EPS15L1: variants seen among roughly 807,000 people sequenced by gnomAD.
EPS15L1 encodes the protein epidermal growth factor receptor substrate 15-like 1.
In EPS15L1, 43 loss-of-function variants were observed where a neutral mutation model predicts 117.1. The observed-to-expected ratio is 0.37, with a 90% CI of 0.29 to 0.47. The LOEUF is 0.47. Among genes scored for constraint, EPS15L1 ranks in the 20% least tolerant of loss-of-function variants. The probability of loss-of-function intolerance (pLI) is 0.99; values close to 1 mark genes in which losing one functional copy is unlikely to be tolerated. For missense variants in EPS15L1, 981 were observed against 1,164.0 expected (o/e 0.84, Z 2.29); for synonymous variants, 459 against 470.5 (o/e 0.98, Z 0.32).
rs1402944474 is a variant in EPS15L1, at chr19:16,402,287, G to A, written c.1791+34C>T. The stretch of plus-strand genomic sequence containing the variant: ...TCTGCTGTCACACCAGGGGACCAGA[G>A]CCCCATACTGTAATACGTTTATTCA... On this transcript the variant is annotated intron_variant, in intron 16 of 23. Coordinates refer to ENST00000455140, the MANE Select transcript of EPS15L1 (RefSeq NM_001258374.3). The A allele has an allele frequency of 1.9e-6, 3 of 1,569,538 alleles. No individual in the cohort carries two copies. The East Asian group carries it at 6.8e-5, about 35-fold the overall frequency.
chr19:16,435,033 T>A (rs979846786), intron 6 of EPS15L1: 6 of 151,178 alleles, frequency 4.0e-5, no homozygotes, highest in Admixed American at 2.6e-4. Flanking sequence ...AACTTCCGAC[T>A]CCCAGGTTCA....
chr19:16,359,998 T>C (rs2092030743), intron 23 of EPS15L1, among the ~76,000 whole-genome samples: 2 of 151,540 alleles, frequency 1.3e-5, no homozygotes. Context: ...ATTTTAAAAC[T>C]GAAGTTAACA....
At chr19:16,458,112 C>A (rs993449666) in intron 1 of EPS15L1, among the ~76,000 whole-genome samples, 1 of 152,158 alleles carries the variant, frequency 6.6e-6, no homozygotes, top group Non-Finnish European at 1.5e-5. Flanking sequence ...GGCCTCCTGT[C>A]GGGGTGTTCC....
chr19:16,361,429 C>T (rs978461908), intron 23 of EPS15L1: 5 of 306,062 alleles, frequency 1.6e-5, no homozygotes, highest in African/African-American at 2.3e-5. Context: ...TTTCATACTT[C>T]GGAAGTGTTT....
chr19:16,390,180 A>C (rs2092462220), intron 19 of EPS15L1, among the ~76,000 whole-genome samples: 1 of 152,194 alleles, frequency 6.6e-6, no homozygotes, highest in Non-Finnish European at 1.5e-5. Context: ...TAAATGGTTG[A>C]AAAATGATGT....
intron 21 of EPS15L1, among the ~76,000 whole-genome samples, chr19:16,380,323 C>G (rs536912429): frequency 2.0e-5 from 3 of 152,316 alleles, no homozygotes; most frequent in East Asian, 3.9e-4. Flanking sequence ...GGCGTCTAAT[C>G]ACACAGACGT....
At chr19:16,357,943 T>C (rs951745968) in intron 23 of EPS15L1, 6 of 152,282 alleles carry the variant, frequency 3.9e-5, no homozygotes, top group African/African-American at 1.4e-4. Context: ...AGGTGGAAAT[T>C]ATTCCATGGT....
intron 22 of EPS15L1, among the ~76,000 whole-genome samples, chr19:16,375,964 G>T (rs1286002353): frequency 1.3e-5 from 2 of 152,222 alleles, no homozygotes; most frequent in Non-Finnish European, 2.9e-5. Flanking sequence ...GTGAGCTGGG[G>T]GCATGCGGAG....
At chr19:16,452,150 AC>A (rs1457441485) in intron 1 of EPS15L1, among the ~76,000 whole-genome samples, 2 of 150,416 alleles carry the variant, frequency 1.3e-5, no homozygotes, top group Non-Finnish European at 3.0e-5. Flanking sequence ...AAAAAAAAAA[AC>A]CACACAACAG....
chr19:16,387,856 A>C (rs912620660), intron 19 of EPS15L1, among the ~76,000 whole-genome samples: 1 of 152,230 alleles, frequency 6.6e-6, no homozygotes, highest in African/African-American at 2.4e-5. Flanking sequence ...AGAGCAGTAG[A>C]AATTACTCAA....
chr19:16,396,971 T>C (rs1232869830), intron 16 of EPS15L1, among the ~76,000 whole-genome samples: 7 of 152,206 alleles, frequency 4.6e-5, no homozygotes, highest in Admixed American at 4.6e-4. Flanking sequence ...GAGTGGGTAT[T>C]TCATGGGGAT....
chr19:16,389,362 G>GC (rs1375988940), intron 19 of EPS15L1, among the ~76,000 whole-genome samples: 1 of 152,062 alleles, frequency 6.6e-6, no homozygotes, highest in African/African-American at 2.4e-5. Flanking sequence ...GATGAGGTGG[G>GC]AGAACTGCTT....
intron 1 of EPS15L1, among the ~76,000 whole-genome samples, chr19:16,467,770 G>T (rs1417218791): frequency 2.6e-5 from 4 of 152,222 alleles, no homozygotes; most frequent in Non-Finnish European, 5.9e-5. Context: ...CACTGGCCGG[G>T]TGCTGCTCTG....
chr19:16,448,455 G>A lies in EPS15L1; in HGVS notation c.34-6236C>T, dbSNP rs574390387. ...TGAGGCAGGAGAATCGCTTGAACCCGGGAGATGGAGGTTGAGGTGAGCCGA... is the reference window on the plus strand; with the variant it reads ...TGAGGCAGGAGAATCGCTTGAACCCAGGAGATGGAGGTTGAGGTGAGCCGA... On this transcript the variant is annotated intron_variant, in intron 1 of 23. Coordinates refer to ENST00000455140, the MANE Select transcript of EPS15L1 (RefSeq NM_001258374.3). Among the ~76,000 whole-genome samples, 225 of 149,380 alleles carry A rather than the reference G, an allele frequency of 1.5e-3. 1 individual carries two copies. Among genetic ancestry groups the A allele is most frequent in the Middle Eastern group, 3.5e-3 (1 of 288 alleles).
chr19:16,402,279 G>A (rs1201071695), intron 16 of EPS15L1, 42 bp downstream of exon 16: 4 of 1,547,054 alleles, frequency 2.6e-6, no homozygotes, highest in Non-Finnish European at 3.5e-6. Context: ...TCACACCAGG[G>A]GACCAGAGCC....
Position 16,361,877 on chromosome 19 carries a change from CCTT to C in EPS15L1, c.2485_2487del (p.Lys829del), listed in dbSNP as rs1568386300. ...TTTCCACTAAACGGGTCCCCAAACC[CCTT>C]TTTACTTTGGAACGGGTCGCCGCTG... On this transcript the variant is annotated inframe_deletion, in exon 23 of 24. Transcript: ENST00000455140. 1.2e-6 allele frequency: 2 copies of C among 1,614,140 alleles called. No homozygotes were observed. Among genetic ancestry groups the C allele is most frequent in the Middle Eastern group, 1.7e-4 (1 of 6,060 alleles).
At chr19:16,433,930 T>C (rs531936601) in intron 7 of EPS15L1, among the ~76,000 whole-genome samples, 3 of 152,028 alleles carry the variant, frequency 2.0e-5, no homozygotes, top group South Asian at 4.1e-4. Flanking sequence ...GCCACTGCAC[T>C]CCAGCCTAGG....
At chr19:16,469,807 A>C (rs2093333091) in intron 1 of EPS15L1, among the ~76,000 whole-genome samples, 1 of 152,096 alleles carries the variant, frequency 6.6e-6, no homozygotes, top group Non-Finnish European at 1.5e-5. Context: ...CAACCAGATC[A>C]CAGCCACCTG....
intron 21 of EPS15L1, among the ~76,000 whole-genome samples, chr19:16,382,419 G>A (rs1057030901): frequency 2.0e-5 from 3 of 152,276 alleles, no homozygotes; most frequent in African/African-American, 7.2e-5. Flanking sequence ...AGAGTGAAGT[G>A]TGCTTAAAAT....
Sources: gnomAD v4.1 joint callset for allele counts (sites outside exome capture counted in the v4.1 genomes callset) on GRCh38, gnomAD v4.1.1 for gene constraint, MANE v1.5 for transcripts, NCBI Gene and HGNC (gene_info 2026-07-23, HGNC 2026-07-21) for gene names.